VPS13B: variants seen among roughly 807,000 people sequenced by gnomAD.
The protein encoded by VPS13B is intermembrane lipid transfer protein VPS13B.
A neutral mutation model predicts 426.4 loss-of-function variants in VPS13B; 285 were observed. That is an observed-to-expected ratio of 0.67 (90% CI 0.61 to 0.74). The LOEUF (loss-of-function observed/expected upper bound fraction) is 0.74. Among genes scored for constraint, VPS13B ranks in the 30% least tolerant of loss-of-function variants. VPS13B has a pLI of 0.00. For missense variants in VPS13B, 4,537 were observed against 4,782.6 expected (o/e 0.95, Z 1.51); for synonymous variants, 1,676 against 1,676.4 (o/e 1.00, Z 0.01).
At chr8:99,131,368 A>G (rs1809793694) in intron 8 of VPS13B, among the ~76,000 whole-genome samples, 1 of 152,194 alleles carries the variant, frequency 6.6e-6, no homozygotes, top group Non-Finnish European at 1.5e-5. Context: ...GTACTTTTGT[A>G]AAATAATTTA....
At chr8:99,707,350 C>T (rs966135076) in intron 36 of VPS13B, among the ~76,000 whole-genome samples, 125 of 152,082 alleles carry the variant, frequency 8.2e-4, no homozygotes, top group African/African-American at 2.8e-3. Flanking sequence ...GCAGAATACC[C>T]GACACATTGC....
rs1159890783 is a variant in VPS13B at position 99,391,335 on chromosome 8, G to T, written c.2935-222G>T. Among the ~76,000 whole-genome samples, 4 of 150,978 alleles carry T rather than the reference G, an allele frequency of 2.6e-5. No individual in the cohort carries two copies. The East Asian group carries it at 7.8e-4, about 30-fold the overall frequency. ...TAAGTGGATAAGCATTGCTCTGTGT[G>T]TGCATGTGTGTCTGTGTCTGTGTGT... is the stretch of plus-strand genomic sequence containing the variant. On this transcript the variant is annotated intron_variant, in intron 20 of 61. Coordinates refer to ENST00000357162, the MANE Select transcript of VPS13B (RefSeq NM_152564.5).
chr8:99,610,633 T>C (rs1563823747), intron 33 of VPS13B, among the ~76,000 whole-genome samples: 1 of 152,096 alleles, frequency 6.6e-6, no homozygotes, highest in Non-Finnish European at 1.5e-5. Flanking sequence ...AAATACCTAA[T>C]GTAGATGATG....
At chr8:99,835,378 A>AT in intron 53 of VPS13B, 54 bp downstream of exon 53, 2 of 1,576,674 alleles carry the variant, frequency 1.3e-6, no homozygotes, top group Non-Finnish European at 1.7e-6. Flanking sequence ...TTTTTCTGGG[A>AT]TTTTTTGATT....
intron 21 of VPS13B, among the ~76,000 whole-genome samples, chr8:99,394,093 A>G (rs1300387965): frequency 6.6e-6 from 1 of 152,122 alleles, no homozygotes; most frequent in Non-Finnish European, 1.5e-5. Context: ...CATTTTCAGT[A>G]GCATTAGGTA....
chr8:99,818,337 T>A, intron 45 of VPS13B, 114 bp from the exon 46 acceptor site: 1 of 1,133,536 alleles, frequency 8.8e-7, no homozygotes, highest in Middle Eastern at 2.1e-4. Flanking sequence ...TAATGGCTTT[T>A]TCCCTAAACT....
intron 35 of VPS13B, among the ~76,000 whole-genome samples, chr8:99,680,797 G>C (rs536279453): frequency 6.6e-6 from 1 of 152,154 alleles, no homozygotes; most frequent in Admixed American, 6.5e-5. Flanking sequence ...GTAACAGTCT[G>C]TGCCTGGTTC....
chr8:99,390,350 G>A (rs191118947), intron 20 of VPS13B, among the ~76,000 whole-genome samples: 63 of 152,132 alleles, frequency 4.1e-4, no homozygotes, highest in Middle Eastern at 3.4e-3. Context: ...TGATCCGTCC[G>A]CCTCAGCCTC....
rs548307120 is a variant in VPS13B at position 99,376,086 on chromosome 8, G to C, written c.2825-8122G>C. Among the ~76,000 whole-genome samples, 21 of 152,298 alleles carry C rather than the reference G, an allele frequency of 1.4e-4. No individual in the cohort carries two copies. The South Asian group carries it at 4.4e-3, about 32-fold the overall frequency. ...ACCCTGATTTAACTAATGGGTGAAGGCTGAGAAGAATGTGGATAAGTGAGC... is the reference window on the plus strand; with the variant it reads ...ACCCTGATTTAACTAATGGGTGAAGCCTGAGAAGAATGTGGATAAGTGAGC... On this transcript the variant is annotated intron_variant, in intron 19 of 61. Coordinates refer to ENST00000357162, the MANE Select transcript of VPS13B (RefSeq NM_152564.5).
At chr8:99,194,457 T>C (rs1474976088) in intron 17 of VPS13B, among the ~76,000 whole-genome samples, 11 of 152,206 alleles carry the variant, frequency 7.2e-5, no homozygotes, top group Non-Finnish European at 1.5e-4. Context: ...ACCGTTCTAC[T>C]CTAACTACCA....
At position 99,285,320 on chromosome 8, in the gene VPS13B, A is replaced by G. The variant is rs141313825; in HGVS notation, c.2824+10066A>G. On this transcript the variant is annotated intron_variant, in intron 19 of 61. Coordinates refer to ENST00000357162, the MANE Select transcript of VPS13B (RefSeq NM_152564.5). ...ATTCTGGAAGGATGCCAGAGGGAGA[A>G]ATCCCTTGAGCCTTAAGGGTAACCA... Among the ~76,000 whole-genome samples, 6 of 152,284 alleles carry G rather than the reference A, an allele frequency of 3.9e-5. No homozygotes were observed. The East Asian group carries it at 1.2e-3, about 29-fold the overall frequency.
At chr8:99,873,394 A>G (rs1216095573) in intron 61 of VPS13B, 3 of 152,202 alleles carry the variant, frequency 2.0e-5, no homozygotes, top group Non-Finnish European at 4.4e-5. Flanking sequence ...GAATCAGAGA[A>G]GCAACACTGA....
At chr8:99,041,912 C>T (rs1261573699) in intron 3 of VPS13B, among the ~76,000 whole-genome samples, 1 of 151,190 alleles carries the variant, frequency 6.6e-6, no homozygotes, top group Non-Finnish European at 1.5e-5. Flanking sequence ...TTCTAAACCA[C>T]CTATTCTGGT....
intron 17 of VPS13B, among the ~76,000 whole-genome samples, chr8:99,203,117 A>T (rs980435339): frequency 6.6e-6 from 1 of 152,092 alleles, no homozygotes; most frequent in Non-Finnish European, 1.5e-5. Context: ...TCCTCAATAA[A>T]ATACTGGCAA....
At chr8:99,682,852 A>G (rs1221202932) in intron 35 of VPS13B, among the ~76,000 whole-genome samples, 1 of 152,110 alleles carries the variant, frequency 6.6e-6, no homozygotes, top group Admixed American at 6.5e-5. Context: ...GTACGTCCAG[A>G]GATGCTGTCC....
intron 24 of VPS13B, among the ~76,000 whole-genome samples, chr8:99,477,756 ACTGT>A (rs1223146547): frequency 3.9e-5 from 6 of 152,170 alleles, no homozygotes; most frequent in African/African-American, 1.2e-4. Context: ...ATCAGACATT[ACTGT>A]CTGTCTATGT....
intron 30 of VPS13B, among the ~76,000 whole-genome samples, chr8:99,529,376 G>A (rs1822813269): frequency 6.6e-6 from 1 of 152,026 alleles, no homozygotes; most frequent in Non-Finnish European, 1.5e-5. Flanking sequence ...ATCATATTTA[G>A]ACTTGCCATC....
intron 21 of VPS13B, among the ~76,000 whole-genome samples, chr8:99,406,927 G>A (rs1033714035): frequency 2.6e-5 from 4 of 152,188 alleles, no homozygotes; most frequent in African/African-American, 9.7e-5. Flanking sequence ...GCTTTCATTT[G>A]GATGGGAACA....
At chr8:99,720,834 A>G in intron 38 of VPS13B, 29 bp from the exon 39 acceptor site, 2 of 1,584,282 alleles carry the variant, frequency 1.3e-6, no homozygotes, top group Non-Finnish European at 1.7e-6. Flanking sequence ...CCTTTAAATC[A>G]TACAATTAAT....
Sources: gnomAD v4.1 joint callset for allele counts (sites outside exome capture counted in the v4.1 genomes callset) on GRCh38, gnomAD v4.1.1 for gene constraint, MANE v1.5 for transcripts, NCBI Gene and HGNC (gene_info 2026-07-23, HGNC 2026-07-21) for gene names.